Variants in PEX5L observed in about 807,000 individuals in gnomAD.
PEX5L encodes the protein PEX5-related protein.
Under a neutral mutation model 84.0 loss-of-function variants are expected in PEX5L, and 30 were observed. The ratio of observed to expected loss-of-function variants is 0.36; its 90% CI spans 0.27 to 0.48. The LOEUF is 0.48. Ranked by LOEUF, PEX5L falls within the 20% of genes least tolerant of loss-of-function variation. The pLI is 0.99. For missense variants in PEX5L, 533 were observed against 754.6 expected (o/e 0.71, Z 3.44); for synonymous variants, 270 against 283.1 (o/e 0.95, Z 0.46).
chr3:179,916,830 C>T (rs918949933), intron 2 of PEX5L, among the ~76,000 whole-genome samples: 9 of 151,928 alleles, frequency 5.9e-5, no homozygotes, highest in Middle Eastern at 6.8e-3. Flanking sequence ...CCACCACTCC[C>T]GGTGAATTTT....
chr3:179,831,965 A>G (rs537797954), intron 8 of PEX5L, among the ~76,000 whole-genome samples: 1 of 152,308 alleles, frequency 6.6e-6, no homozygotes, highest in East Asian at 1.9e-4. Flanking sequence ...TCTAAGGACA[A>G]GTGTAAAGCC....
chr3:180,023,773 G>C (rs2056599), intron 1 of PEX5L, among the ~76,000 whole-genome samples: 19,295 of 102,188 alleles, frequency 0.19, 1,267 homozygotes, highest in African/African-American at 0.24. Context: ...CACACACACA[G>C]AGAGAGAGAG....
In PEX5L at chr3:180,010,246, C is replaced by CTTTTTTTTTTTTTTTTTTTTT. The variant is rs1178375452; in HGVS notation, c.21+26332_21+26333insAAAAAAAAAAAAAAAAAAAAA. ...AGGCGTGAGCCACTGCACCCGGCCT[C>CTTTTTTTTTTTTTTTTTTTTT]TTTTTTTTTTTTTTTTTTTTCTGTA... On this transcript the variant is annotated intron_variant, in intron 1 of 14. Coordinates refer to ENST00000467460, the MANE Select transcript of PEX5L (RefSeq NM_016559.3). 6.2e-4 allele frequency among the ~76,000 whole-genome samples: 65 copies of CTTTTTTTTTTTTTTTTTTTTT among 105,140 alleles called. 6 individuals carry two copies. The highest frequency in any genetic ancestry group is 9.7e-4 in the South Asian group (3 of 3,084). 69.0% of individuals were successfully genotyped at this position (105,140 alleles called of 152,430 possible).
At chr3:179,898,017 T>G (rs1373884913) in intron 3 of PEX5L, 125 bp downstream of exon 3, 1 of 521,480 alleles carries the variant, frequency 1.9e-6, no homozygotes, top group Non-Finnish European at 3.3e-6. Flanking sequence ...TATAATTGTT[T>G]CATTGAAACT....
At chr3:179,832,962 C>T (rs1450297625) in intron 8 of PEX5L, among the ~76,000 whole-genome samples, 1 of 152,196 alleles carries the variant, frequency 6.6e-6, no homozygotes, top group African/African-American at 2.4e-5. Flanking sequence ...CTAAATAATG[C>T]CTTCTTTGAA....
chr3:179,826,736 T>C (rs1048104633), intron 8 of PEX5L, among the ~76,000 whole-genome samples: 3 of 152,338 alleles, frequency 2.0e-5, no homozygotes, highest in Admixed American at 6.5e-5. Flanking sequence ...GGTTTCTTTT[T>C]CTTTAGACAT....
At position 179,900,694 on chromosome 3, in the gene PEX5L, T is replaced by G. The variant is rs1300229493; in HGVS notation, c.94-2448A>C. The G allele has an allele frequency of 6.5e-6, 10 of 1,535,742 alleles. No homozygotes were observed. In the African/African-American group the frequency reaches 1.1e-4, roughly 17 times the overall value. On this transcript the variant is annotated intron_variant, in intron 2 of 14. Transcript: ENST00000467460. ...CCAAAGCCAGGGTCAGGTCACTTTT[T>G]TGAAGACAGTGCCACTTTTTCTTCA...
intron 8 of PEX5L, 55 bp from the exon 9 acceptor site, chr3:179,820,031 G>A: frequency 2.5e-6 from 4 of 1,610,538 alleles, no homozygotes. Flanking sequence ...CACATCATCT[G>A]TGTTTTTCTT....
chr3:179,820,225 A>C, intron 8 of PEX5L: 1 of 498,628 alleles, frequency 2.0e-6, no homozygotes. Flanking sequence ...ACATATGCCA[A>C]ATTCAGCTAA....
intron 2 of PEX5L, among the ~76,000 whole-genome samples, chr3:179,943,206 T>C (rs535964931): frequency 6.6e-6 from 1 of 152,374 alleles, no homozygotes; most frequent in African/African-American, 2.4e-5. Context: ...AGCATCTTTA[T>C]ATTAGGTTAG....
chr3:179,908,699 A>G (rs988840660), intron 2 of PEX5L, among the ~76,000 whole-genome samples: 7 of 143,536 alleles, frequency 4.9e-5, no homozygotes, highest in African/African-American at 1.6e-4. Context: ...ATTCCCACCT[A>G]TGAGTGAGAA....
intron 2 of PEX5L, among the ~76,000 whole-genome samples, chr3:179,920,684 C>T (rs956298014): frequency 2.0e-5 from 3 of 152,116 alleles, no homozygotes; most frequent in South Asian, 2.1e-4. Flanking sequence ...TCTCAAGACA[C>T]GCCTTAGTAA....
intron 1 of PEX5L, among the ~76,000 whole-genome samples, chr3:180,004,729 A>C (rs992341320): frequency 6.6e-6 from 1 of 152,092 alleles, no homozygotes; most frequent in Non-Finnish European, 1.5e-5. Context: ...GGGGCCCAGG[A>C]AGCTGCACTT....
At chr3:179,865,936 T>C (rs1245727640) in intron 7 of PEX5L, among the ~76,000 whole-genome samples, 2 of 152,156 alleles carry the variant, frequency 1.3e-5, no homozygotes, top group Non-Finnish European at 2.9e-5. Context: ...TACTCTAATG[T>C]AGGCATTTCT....
intron 3 of PEX5L, among the ~76,000 whole-genome samples, chr3:179,894,388 C>G (rs997130024): frequency 4.6e-5 from 7 of 152,066 alleles, no homozygotes; most frequent in African/African-American, 1.7e-4. Context: ...GCCCCACCCC[C>G]CACTTCCTAT....
intron 2 of PEX5L, among the ~76,000 whole-genome samples, chr3:179,934,239 C>T (rs1431656407): frequency 2.0e-5 from 3 of 152,158 alleles, no homozygotes; most frequent in African/African-American, 7.2e-5. Flanking sequence ...ACATATAGCA[C>T]ATTTCTGCAC....
At chr3:179,929,204 C>CA (rs1196059770) in intron 2 of PEX5L, among the ~76,000 whole-genome samples, 1 of 151,502 alleles carries the variant, frequency 6.6e-6, no homozygotes, top group Non-Finnish European at 1.5e-5. Context: ...TCTAGCCTCC[C>CA]AAACAGTTAA....
At chr3:179,860,720 T>C (rs75416939) in intron 7 of PEX5L, among the ~76,000 whole-genome samples, 4,192 of 152,332 alleles carry the variant, frequency 0.028, 184 homozygotes, top group African/African-American at 0.096. Context: ...CTAAGTAATT[T>C]AGACATTATA....
intron 2 of PEX5L, among the ~76,000 whole-genome samples, chr3:179,968,205 A>T (rs1783835001): frequency 1.3e-5 from 2 of 152,176 alleles, no homozygotes; most frequent in Admixed American, 6.6e-5. Flanking sequence ...AAAACATTTT[A>T]AAAAATTGTT....
Sources: allele counts gnomAD v4.1 joint callset (sites outside exome capture counted in the v4.1 genomes callset), GRCh38; gene constraint gnomAD v4.1.1; transcripts MANE v1.5; gene names NCBI Gene and HGNC (gene_info 2026-07-23, HGNC 2026-07-21).